Variants in PDE10A observed in about 807,000 individuals in gnomAD.
PDE10A encodes cAMP and cAMP-inhibited cGMP 3',5'-cyclic phosphodiesterase 10A.
In PDE10A, 39 loss-of-function variants were observed where a neutral mutation model predicts 97.7. That is an observed-to-expected ratio of 0.40 (90% CI 0.31 to 0.52). The LOEUF (loss-of-function observed/expected upper bound fraction) is 0.52. Among genes scored for constraint, PDE10A ranks in the 20% least tolerant of loss-of-function variants. The pLI is 0.56. For missense variants in PDE10A, 731 were observed against 1,047.8 expected (o/e 0.70, Z 4.17); for synonymous variants, 371 against 376.8 (o/e 0.98, Z 0.18).
rs965343488 is a variant in PDE10A, at chr6:165,328,834, C to T, written c.*4191G>A. ...CCAAAATATTCCGTTGGAAAAAAGA[C>T]AAAAAAGTGTGCACTGCATTGGATA... is the stretch of plus-strand genomic sequence containing the variant. On this transcript the variant is annotated 3_prime_UTR_variant, in exon 22 of 22. Coordinates refer to ENST00000539869, the MANE Select transcript of PDE10A (RefSeq NM_001385079.1). 3 of 152,008 alleles carry T rather than the reference C, an allele frequency of 2.0e-5. No homozygotes were observed. Among genetic ancestry groups the T allele is most frequent in the Non-Finnish European group, 2.9e-5 (2 of 67,984 alleles). 9.4% of individuals were successfully genotyped at this position (152,008 alleles called of 1,614,324 possible). A position where few individuals can be genotyped will look rare whatever the true frequency, so the allele number is the denominator to read the frequency against.
chr6:165,855,413 G>C (rs1583194930), intron 1 of PDE10A, among the ~76,000 whole-genome samples: 1 of 151,506 alleles, frequency 6.6e-6, no homozygotes, highest in South Asian at 2.1e-4. Flanking sequence ...GGTCTGCCCA[G>C]ACATGGCCGG....
At chr6:165,531,762 CTTTA>C (rs66498773) in intron 2 of PDE10A, among the ~76,000 whole-genome samples, 104,716 of 151,666 alleles carry the variant, frequency 0.69, 39,464 homozygotes, top group Non-Finnish European at 0.83. Context: ...ACTCACCATA[CTTTA>C]TTTAAGCTAT....
chr6:165,691,591 G>GCA (rs965998795), intron 1 of PDE10A, among the ~76,000 whole-genome samples: 5,951 of 51,586 alleles, frequency 0.12, 264 homozygotes, highest in Admixed American at 0.33. Flanking sequence ...GCACGCGCGC[G>GCA]CACACACACA....
At chr6:165,971,430 T>C (rs1784672100) in intron 1 of PDE10A, among the ~76,000 whole-genome samples, 2 of 152,128 alleles carry the variant, frequency 1.3e-5, no homozygotes, top group African/African-American at 4.8e-5. Context: ...CTTCTTACCT[T>C]CCTATAAGAC....
intron 1 of PDE10A, among the ~76,000 whole-genome samples, chr6:165,861,303 A>G (rs1053473333): frequency 1.3e-5 from 2 of 152,040 alleles, no homozygotes; most frequent in African/African-American, 4.8e-5. Context: ...CTGTGAATGC[A>G]TGACAAACCT....
intron 2 of PDE10A, among the ~76,000 whole-genome samples, chr6:165,542,684 T>C (rs1210016092): frequency 1.4e-5 from 2 of 143,904 alleles, no homozygotes; most frequent in Admixed American, 1.5e-4. Context: ...AGTGGCGCGA[T>C]CTCGGCTCAC....
chr6:165,558,917 G>A (rs938386865), intron 1 of PDE10A, among the ~76,000 whole-genome samples: 8 of 151,900 alleles, frequency 5.3e-5, no homozygotes, highest in South Asian at 2.1e-4. Flanking sequence ...AAACCTGCAC[G>A]TTGTGCACAT....
chr6:165,598,348 T>A (rs1239719603), intron 1 of PDE10A, among the ~76,000 whole-genome samples: 1 of 152,220 alleles, frequency 6.6e-6, no homozygotes, highest in Non-Finnish European at 1.5e-5. Flanking sequence ...AAGAGTCACA[T>A]GCAACACATA....
chr6:165,882,727 TA>T (rs1255150512), intron 1 of PDE10A, among the ~76,000 whole-genome samples: 2 of 150,984 alleles, frequency 1.3e-5, no homozygotes, highest in African/African-American at 4.9e-5. Context: ...AAATCTTTTT[TA>T]GCTACTTAAT....
At chr6:165,350,572 T>G (rs1782626137) in intron 18 of PDE10A, among the ~76,000 whole-genome samples, 2 of 152,230 alleles carry the variant, frequency 1.3e-5, no homozygotes, top group Admixed American at 1.3e-4. Flanking sequence ...AGTAGAGGAT[T>G]GTGTTTTGAA....
intron 10 of PDE10A, among the ~76,000 whole-genome samples, chr6:165,427,144 A>G (rs1789223955): frequency 6.6e-6 from 1 of 152,178 alleles, no homozygotes; most frequent in African/African-American, 2.4e-5. Context: ...ACAGGCATTC[A>G]AACAAAAACG....
At position 165,671,551 on chromosome 6, in the gene PDE10A, T is replaced by TG. The variant is rs1290350424; in HGVS notation, c.-614-127984dup. ...TATCTCTCCATGACTGTGTTCAGCATGACTGCACTCAAAGGACCCAATTAA... is the reference window on the plus strand; with the variant it reads ...TATCTCTCCATGACTGTGTTCAGCATGGACTGCACTCAAAGGACCCAATTAA... On this transcript the variant is annotated intron_variant, in intron 1 of 19. Coordinates refer to the PDE10A transcript ENST00000366882. The surrounding 1 kb of genome is among the most constrained non-coding windows in gnomAD (Gnocchi z 4.6). Among the ~76,000 whole-genome samples, 4 of 152,310 alleles carry TG rather than the reference T, an allele frequency of 2.6e-5. No homozygotes were observed. The highest frequency in any genetic ancestry group is 1.3e-4 in the Admixed American group (2 of 15,300).
chr6:165,723,243 T>C (rs577296961), intron 1 of PDE10A, among the ~76,000 whole-genome samples: 66 of 152,332 alleles, frequency 4.3e-4, no homozygotes, highest in African/African-American at 1.6e-3. Flanking sequence ...CATGGAAATC[T>C]CACCTGGAGC....
rs185205978 is a variant in PDE10A at position 165,492,198 on chromosome 6, G to A, written c.995-9855C>T. ...TCTGAACAGACTAATAACAAGCAGCGAGATTGAAATGGTAATTAAAAAGTT... is the reference window on the plus strand; with the variant it reads ...TCTGAACAGACTAATAACAAGCAGCAAGATTGAAATGGTAATTAAAAAGTT... On this transcript the variant is annotated intron_variant, in intron 2 of 21. Coordinates refer to ENST00000539869, the MANE Select transcript of PDE10A (RefSeq NM_001385079.1). 2.5e-3 allele frequency among the ~76,000 whole-genome samples: 382 copies of A among 152,162 alleles called. 7 individuals carry two copies. The highest frequency in any genetic ancestry group is 0.02 in the South Asian group (94 of 4,816).
At chr6:165,823,462 G>A (rs1167572046) in intron 1 of PDE10A, among the ~76,000 whole-genome samples, 1 of 100,884 alleles carries the variant, frequency 9.9e-6, no homozygotes, top group African/African-American at 3.6e-5. Flanking sequence ...ATACCGCCTG[G>A]GGCTGCTTTA....
In PDE10A at chr6:165,952,363, A is replaced by G. The variant is rs193041806; in HGVS notation, c.-615+35166T>C. Among the ~76,000 whole-genome samples, 8 of 152,370 alleles carry G rather than the reference A, an allele frequency of 5.3e-5. No homozygotes were observed. The East Asian group carries it at 1.5e-3, about 29-fold the overall frequency. ...GCATACATTACGTATTATCTTGGTT[A>G]GCTTTTGCCAAAATCAGGTGTTTGA... On this transcript the variant is annotated intron_variant, in intron 1 of 19. Coordinates refer to the PDE10A transcript ENST00000366882.
At chr6:165,721,295 A>G (rs1208263194) in intron 1 of PDE10A, among the ~76,000 whole-genome samples, 3 of 152,164 alleles carry the variant, frequency 2.0e-5, no homozygotes, top group Middle Eastern at 3.2e-3. Context: ...GAGCTGTGAA[A>G]TTACATTTCA....
At chr6:165,362,169 G>C (rs1043415677) in intron 18 of PDE10A, among the ~76,000 whole-genome samples, 1 of 151,966 alleles carries the variant, frequency 6.6e-6, no homozygotes, top group Non-Finnish European at 1.5e-5. Flanking sequence ...GCAAACAGAA[G>C]TAAGCAAATA....
chr6:165,732,759 G>A (rs1047621550), intron 1 of PDE10A, among the ~76,000 whole-genome samples: 1 of 152,176 alleles, frequency 6.6e-6, no homozygotes, highest in Non-Finnish European at 1.5e-5. Flanking sequence ...AGTAGCTCTG[G>A]AGTCTCCACC....
Sources: gnomAD v4.1 joint callset for allele counts (sites outside exome capture counted in the v4.1 genomes callset) on GRCh38, gnomAD v4.1.1 for gene constraint, Gnocchi (gnomAD v3.1) non-coding constraint, MANE v1.5 for transcripts, NCBI Gene and HGNC (gene_info 2026-07-23, HGNC 2026-07-21) for gene names.